Variants in ALK observed in about 807,000 individuals in gnomAD.
The protein encoded by ALK is ALK receptor tyrosine kinase.
Under a neutral mutation model 163.1 loss-of-function variants are expected in ALK, and 74 were observed. The ratio of observed to expected loss-of-function variants is 0.45; its 90% CI spans 0.38 to 0.55. The LOEUF (loss-of-function observed/expected upper bound fraction) is 0.55. Among genes scored for constraint, ALK ranks in the 20% least tolerant of loss-of-function variants. The probability of loss-of-function intolerance (pLI) is 0.00; values close to 1 mark genes in which losing one functional copy is unlikely to be tolerated. For missense variants in ALK, 2,063 were observed against 2,105.3 expected, an observed-to-expected ratio of 0.98 and a Z score of 0.39; for synonymous variants, 960 against 843.2, an observed-to-expected ratio of 1.14 and a Z score of -2.40.
At chr2:29,857,066 T>C (rs1236708545) in intron 1 of ALK, among the ~76,000 whole-genome samples, 3 of 152,180 alleles carry the variant, frequency 2.0e-5, no homozygotes, top group African/African-American at 7.2e-5. Context: ...AGGAGGCGAA[T>C]GTGCATGTCT....
intron 6 of ALK, among the ~76,000 whole-genome samples, chr2:29,322,727 G>A (rs1340566160): frequency 2.0e-5 from 3 of 152,208 alleles, no homozygotes; most frequent in Non-Finnish European, 4.4e-5. Context: ...TCAGCTACTC[G>A]GGAGGCTGAG....
chr2:29,805,949 C>A (rs1664598831), intron 1 of ALK, among the ~76,000 whole-genome samples: 1 of 152,084 alleles, frequency 6.6e-6, no homozygotes, highest in Non-Finnish European at 1.5e-5. Context: ...ATTACAGAAC[C>A]CAAACCATAA....
At chr2:29,524,349 T>C (rs778545312) in intron 4 of ALK, among the ~76,000 whole-genome samples, 9 of 152,222 alleles carry the variant, frequency 5.9e-5, no homozygotes, top group African/African-American at 9.6e-5. Flanking sequence ...TTTTCCTGAC[T>C]GGATAAGAAC....
At chr2:29,336,035 T>G (rs968025801) in intron 5 of ALK, among the ~76,000 whole-genome samples, 2 of 152,074 alleles carry the variant, frequency 1.3e-5, no homozygotes, top group Admixed American at 1.3e-4. Context: ...TGAGACTGTC[T>G]CAAAAAACAA....
intron 3 of ALK, among the ~76,000 whole-genome samples, chr2:29,620,619 A>T (rs1676007048): frequency 6.6e-6 from 1 of 152,014 alleles, no homozygotes; most frequent in Admixed American, 6.6e-5. Context: ...GGCACTACGT[A>T]AATCAGCCCT....
chr2:29,253,895 G>GATA (rs55822579), intron 11 of ALK, among the ~76,000 whole-genome samples: 190 of 147,394 alleles, frequency 1.3e-3, no homozygotes, highest in Admixed American at 3.5e-3. Context: ...TAGATAGATA[G>GATA]GTAGATAGCT....
intron 3 of ALK, among the ~76,000 whole-genome samples, chr2:29,555,109 T>C (rs541858641): frequency 6.6e-6 from 1 of 152,318 alleles, no homozygotes; most frequent in East Asian, 1.9e-4. Context: ...TCTACTTTCT[T>C]AATAAACTTG....
At chr2:29,233,483 G>A in intron 14 of ALK, 82 bp downstream of exon 14, 2 of 1,595,988 alleles carry the variant, frequency 1.3e-6, no homozygotes, top group Non-Finnish European at 1.7e-6. Context: ...CATCTGAGGT[G>A]TTTCTATCCC....
At chr2:29,589,925 A>T (rs1674999283) in intron 3 of ALK, among the ~76,000 whole-genome samples, 1 of 152,232 alleles carries the variant, frequency 6.6e-6, no homozygotes. Context: ...CCCCTCTAGC[A>T]CGCTTGTCAA....
chr2:29,280,038 A>G (rs1665666866), intron 9 of ALK, among the ~76,000 whole-genome samples: 2 of 151,032 alleles, frequency 1.3e-5, no homozygotes, highest in South Asian at 4.2e-4. Context: ...GGTAGACCTG[A>G]CACTTAGTTG....
At chr2:29,456,831 TA>T (rs1670967550) in intron 4 of ALK, among the ~76,000 whole-genome samples, 1 of 152,188 alleles carries the variant, frequency 6.6e-6, no homozygotes, top group Non-Finnish European at 1.5e-5. Flanking sequence ...CTCCATCTCC[TA>T]ATAGTTGCTC....
At chr2:29,456,455 A>G (rs182341138) in intron 4 of ALK, among the ~76,000 whole-genome samples, 15 of 152,344 alleles carry the variant, frequency 9.8e-5, no homozygotes, top group Admixed American at 3.3e-4. Flanking sequence ...GAAATAAGCC[A>G]GTCACAAAAA....
chr2:29,196,792 T>A lies in ALK; in HGVS notation c.4142A>T (p.Glu1381Val), dbSNP rs764517015. ...TACCTGGGTGCAGTATTCAATCCTC[T>A]CCAAAATGATGGCAAAGTTGGGCCT... ...EDRPNFAIIL[E>V]RIEYCTQDPD... The change falls in exon 28 of 29, where the codon GAG becomes GTG. Residue 1381 changes from glutamate (E) to valine (V), a missense_variant. Glu to Val is a moderately radical substitution (Grantham distance 121). This residue lies in a region of ALK where 403 missense variants were observed against 366.2 expected (regional missense o/e 1.10). Coordinates refer to ENST00000389048, the MANE Select transcript of ALK (RefSeq NM_004304.5). The A allele has an allele frequency of 3.1e-6, 5 of 1,614,038 alleles. No homozygotes were observed. The highest frequency in any genetic ancestry group is 3.4e-6 in the Non-Finnish European group (4 of 1,179,880).
At chr2:29,530,561 A>T (rs116264103) in intron 4 of ALK, among the ~76,000 whole-genome samples, 116 of 152,378 alleles carry the variant, frequency 7.6e-4, no homozygotes, top group African/African-American at 2.8e-3. Context: ...GTTGAGAGTG[A>T]TAAGTCAGAA....
intron 8 of ALK, among the ~76,000 whole-genome samples, chr2:29,312,978 T>TTGGTG (rs1666733443): frequency 6.6e-6 from 1 of 151,952 alleles, no homozygotes; most frequent in Non-Finnish European, 1.5e-5. Context: ...GACTTGGGCT[T>TTGGTG]AGTGAGGGAG....
intron 27 of ALK, 150 bp from the exon 28 acceptor site, chr2:29,197,010 G>C (rs1311214583): frequency 3.0e-6 from 2 of 676,658 alleles, no homozygotes; most frequent in Middle Eastern, 5.7e-4. Context: ...CTGCTGATTG[G>C]TCAAGGAAGA....
chr2:29,236,733 G>T (rs915137469), intron 13 of ALK, among the ~76,000 whole-genome samples: 1 of 152,058 alleles, frequency 6.6e-6, no homozygotes, highest in Non-Finnish European at 1.5e-5. Flanking sequence ...CGCTTTGCTG[G>T]TTCCTCTTCT....
intron 22 of ALK, 26 bp downstream of exon 22, chr2:29,222,318 G>T: frequency 6.2e-7 from 1 of 1,611,374 alleles, no homozygotes; most frequent in South Asian, 1.1e-5. Flanking sequence ...GGGAGTTGGG[G>T]TGAGGGTGTC....
intron 1 of ALK, among the ~76,000 whole-genome samples, chr2:29,767,667 C>A (rs1275798422): frequency 1.3e-5 from 2 of 152,220 alleles, no homozygotes; most frequent in African/African-American, 4.8e-5. Context: ...GGACATCAGT[C>A]ACTCAGGCTC....
Sources: allele counts gnomAD v4.1 joint callset (sites outside exome capture counted in the v4.1 genomes callset), GRCh38; gene constraint gnomAD v4.1.1; regional missense constraint gnomAD v4.1.1; transcripts MANE v1.5; gene names NCBI Gene and HGNC (gene_info 2026-07-23, HGNC 2026-07-21).